Variants in TMPRSS2 observed in about 807,000 individuals in gnomAD.
TMPRSS2 encodes transmembrane serine protease 2.
A neutral mutation model predicts 67.4 loss-of-function variants in TMPRSS2; 59 were observed. That is an observed-to-expected ratio of 0.88 (90% CI 0.71 to 1.09). The LOEUF (loss-of-function observed/expected upper bound fraction) is 1.09. TMPRSS2 is among the 50% of genes least tolerant of loss of function. The pLI, the probability that TMPRSS2 is intolerant of heterozygous loss-of-function variation, is 0.00. For missense variants in TMPRSS2, 668 were observed against 642.7 expected (o/e 1.04, Z -0.43); for synonymous variants, 257 against 257.0 (o/e 1.00, Z 0.00).
chr21:41,471,806 C>T lies in TMPRSS2; in HGVS notation c.1075G>A (p.Asp359Asn), dbSNP rs758128660. The change falls in exon 10 of 14, where the codon GAC becomes AAC. Residue 359 changes from aspartate (D) to asparagine (N), a missense_variant and splice_region_variant. Asp to Asn is a conservative substitution (Grantham distance 23, BLOSUM62 1). Coordinates refer to ENST00000332149, the MANE Select transcript of TMPRSS2 (RefSeq NM_005656.4). ...CTTGCCAAGCCTGAGCCACACGTAC[C>T]GTTGAAAGTCAGAGGCTTCTGCAGC... is the stretch of plus-strand genomic sequence containing the variant. ...MKLQKPLTFN[D>N]LVKPVCLPNP... 15 of 1,594,372 alleles carry T rather than the reference C, an allele frequency of 9.4e-6. No individual in the cohort carries two copies. The highest frequency in any genetic ancestry group is 9.0e-5 in the East Asian group (4 of 44,466).
intron 1 of TMPRSS2, among the ~76,000 whole-genome samples, chr21:41,501,836 C>T (rs530402877): frequency 1.3e-5 from 2 of 152,296 alleles, no homozygotes; most frequent in African/African-American, 4.8e-5. Flanking sequence ...AGGAGCAAGA[C>T]GTAAAGTAGA....
intron 5 of TMPRSS2, chr21:41,487,677 G>A (rs375408): frequency 0.96 from 145,521 of 152,334 alleles, 70,090 homozygotes; most frequent in African/African-American, 0.99. Flanking sequence ...TCATTAAAAT[G>A]AATAAATAGA....
Position 41,466,001 on chromosome 21 carries a change from G to A in TMPRSS2, c.*141C>T, listed in dbSNP as rs77996454. 3.4e-3 allele frequency: 3,526 copies of A among 1,045,916 alleles called. 85 individuals are homozygous for A. In the African/African-American group the frequency reaches 0.05, roughly 15 times the overall value. The allele number at this position is 1,045,916 out of a possible 1,614,324, so 64.8% of individuals were successfully genotyped here. On this transcript the variant is annotated 3_prime_UTR_variant, in exon 14 of 14. Coordinates refer to ENST00000332149, the MANE Select transcript of TMPRSS2 (RefSeq NM_005656.4). Reference sequence around the variant, plus strand: ...TGCAGCCTGCACAGAATGGCAGAGAGTGCCAAAGCCAGACAAGTTCACTGT... The same window carrying A: ...TGCAGCCTGCACAGAATGGCAGAGAATGCCAAAGCCAGACAAGTTCACTGT...
At chr21:41,490,753 G>C (rs1038353935) in intron 3 of TMPRSS2, among the ~76,000 whole-genome samples, 1 of 152,246 alleles carries the variant, frequency 6.6e-6, no homozygotes, top group Non-Finnish European at 1.5e-5. Context: ...CAGCTCATGG[G>C]CCAGGAGGGA....
At chr21:41,501,620 A>G (rs2091424757) in intron 1 of TMPRSS2, among the ~76,000 whole-genome samples, 1 of 149,296 alleles carries the variant, frequency 6.7e-6, no homozygotes, top group Non-Finnish European at 1.5e-5. Flanking sequence ...AAAAAAAAAA[A>G]AAAAAAAAAA....
chr21:41,471,064 G>A (rs1014088345), intron 10 of TMPRSS2, among the ~76,000 whole-genome samples: 13 of 152,228 alleles, frequency 8.5e-5, no homozygotes, highest in Non-Finnish European at 1.3e-4. Context: ...CCAAAAAGCC[G>A]ATGGAGTCAA....
chr21:41,485,010 A>AGG (rs1569019740), intron 5 of TMPRSS2, among the ~76,000 whole-genome samples: 2 of 152,006 alleles, frequency 1.3e-5, no homozygotes, highest in African/African-American at 4.8e-5. Flanking sequence ...CTGGAAAGAG[A>AGG]AGCAACTCAG....
At position 41,478,134 on chromosome 21, in the gene TMPRSS2, G is replaced by A. The variant is rs1046554086; in HGVS notation, c.683+1038C>T. On this transcript the variant is annotated intron_variant, in intron 7 of 13. Transcript: ENST00000332149. The surrounding 1 kb of genome is among the most constrained non-coding windows in gnomAD (Gnocchi z 4.0). ...TTTAGCTTCTCCACAGGGACAAACCGCAGCCCTGCTGTTTTGATGGGTGCA... is the reference window on the plus strand; with the variant it reads ...TTTAGCTTCTCCACAGGGACAAACCACAGCCCTGCTGTTTTGATGGGTGCA... 6.6e-6 allele frequency among the ~76,000 whole-genome samples: 1 copy of A among 152,334 alleles called. No homozygotes were observed. The highest frequency in any genetic ancestry group is 1.5e-5 in the Non-Finnish European group (1 of 68,034).
chr21:41,487,737 G>A (rs2091308731), intron 5 of TMPRSS2: 1 of 152,194 alleles, frequency 6.6e-6, no homozygotes, highest in Non-Finnish European at 1.5e-5. Flanking sequence ...TGTGACAACA[G>A]ATAGATCTTT....
intron 7 of TMPRSS2, 60 bp downstream of exon 7, chr21:41,479,112 C>A: frequency 7.8e-7 from 1 of 1,285,068 alleles, no homozygotes; most frequent in Non-Finnish European, 1.1e-6. Flanking sequence ...ACAACGATTC[C>A]CCATGGTGTC....
rs1201213753 is a variant in TMPRSS2, at chr21:41,498,140, G to C, written c.-7C>G. The C allele has an allele frequency of 1.2e-6, 2 of 1,612,960 alleles. No individual in the cohort carries two copies. Among genetic ancestry groups the C allele is most frequent in the Admixed American group, 3.3e-5 (2 of 59,964 alleles). ...TTACTGAGTTCAAAGCCATCTTGCT[G>C]TTATCAACAGCATCGAGTAATGATA... is the stretch of plus-strand genomic sequence containing the variant. On this transcript the variant is annotated 5_prime_UTR_variant, in exon 2 of 14. Transcript: ENST00000332149.
Position 41,473,273 on chromosome 21 carries a change from G to A in TMPRSS2, c.899+52C>T, listed in dbSNP as rs181058683. ...TGAGACCTGCTCAAGGTCACAGGGT[G>A]GCTGTAGGCCAGCCCTGAGCCCCCA... On this transcript the variant is annotated intron_variant, in intron 9 of 13. Transcript: ENST00000332149. 4.1e-4 allele frequency: 617 copies of A among 1,515,188 alleles called. 8 individuals carry two copies. In the South Asian group the frequency reaches 5.6e-3, roughly 14 times the overall value. The allele number at this position is 1,515,188 out of a possible 1,614,324, so 93.9% of individuals were successfully genotyped here. A position where few individuals can be genotyped will look rare whatever the true frequency, so the allele number is the denominator to read the frequency against.
chr21:41,472,013 G>A lies in TMPRSS2; in HGVS notation c.900-32C>T, dbSNP rs187078345. On this transcript the variant is annotated intron_variant, in intron 9 of 13. Coordinates refer to ENST00000332149, the MANE Select transcript of TMPRSS2 (RefSeq NM_005656.4). Reference sequence around the variant, plus strand: ...GAGAAGAAGGACTCAGTATCTCAGAGCCATAAACACAGAGCTCTCAGTGGA... The same window carrying A: ...GAGAAGAAGGACTCAGTATCTCAGAACCATAAACACAGAGCTCTCAGTGGA... 7.7e-4 allele frequency: 1,200 copies of A among 1,555,536 alleles called. 9 individuals carry two copies. In the African/African-American group the frequency reaches 0.015, roughly 19 times the overall value.
rs142710225 is a variant in TMPRSS2, at chr21:41,480,724, C to T, written c.446-122G>A. 3.5e-4 allele frequency: 485 copies of T among 1,383,724 alleles called. 2 individuals carry two copies. In the African/African-American group the frequency reaches 5.5e-3, roughly 16 times the overall value. 85.7% of individuals were successfully genotyped at this position (1,383,724 alleles called of 1,614,324 possible). A position where few individuals can be genotyped will look rare whatever the true frequency, so the allele number is the denominator to read the frequency against. On this transcript the variant is annotated intron_variant, in intron 5 of 13. Coordinates refer to ENST00000332149, the MANE Select transcript of TMPRSS2 (RefSeq NM_005656.4). ...TCTGATCTCCACTCACTGCAGCCTC[C>T]GCCTCCCAGGTTCAAGTGATTCTCC...
chr21:41,492,771 T>C (rs2091347649), intron 3 of TMPRSS2, among the ~76,000 whole-genome samples: 1 of 152,220 alleles, frequency 6.6e-6, no homozygotes, highest in African/African-American at 2.4e-5. Flanking sequence ...TGGAAATGTG[T>C]CCATCATGTG....
In TMPRSS2 at chr21:41,470,693, C is replaced by T. The variant is rs2091125531; in HGVS notation, c.1126G>A (p.Glu376Lys). Residue 376 changes from glutamate (E) to lysine (K), a missense_variant, in exon 11 of 14, where the codon GAA becomes AAA. Transcript: ENST00000332149. ...LPNPGMMLQP[E>K]QLCWISGWGA... ...CACCCGGAAATCCAGCAGAGCTGTT[C>T]TGGCTGCAGCATCATGCCTGGGTTG... 1.2e-6 allele frequency: 2 copies of T among 1,613,724 alleles called. No individual in the cohort carries two copies. The highest frequency in any genetic ancestry group is 1.1e-5 in the South Asian group (1 of 91,082).
In TMPRSS2 at chr21:41,470,540, T is replaced by C. The variant is rs560788815; in HGVS notation, c.1171+108A>G. ...GGACTGGGGGAATCAACCAAAGTCATCCAGTCATTGAGTAGTAGAACTGGG... is the reference window on the plus strand; with the variant it reads ...GGACTGGGGGAATCAACCAAAGTCACCCAGTCATTGAGTAGTAGAACTGGG... On this transcript the variant is annotated intron_variant, in intron 11 of 13. Transcript: ENST00000332149. 5.8e-6 allele frequency: 6 copies of C among 1,032,056 alleles called. No homozygotes were observed. In the South Asian group the frequency reaches 7.9e-5, roughly 14 times the overall value. The allele number at this position is 1,032,056 out of a possible 1,614,324, so 63.9% of individuals were successfully genotyped here.
chr21:41,479,213 T>C lies in TMPRSS2; in HGVS notation c.642A>G (p.Thr214=). The C allele has an allele frequency of 6.2e-7, 1 of 1,614,094 alleles. No homozygotes were observed. The highest frequency in any genetic ancestry group is 1.1e-5 in the South Asian group (1 of 91,080). The change falls in exon 7 of 14, where the codon ACA becomes ACG. Residue 214 remains threonine, a synonymous_variant. Transcript: ENST00000332149. ...SGSTSFMKLN[T]SAGNVDIYKK... ...TATAGATATCGACATTGCCGGCACT[T>C]GTGTTCAGTTTCATAAAGCTGGTGG... is the stretch of plus-strand genomic sequence containing the variant.
At chr21:41,485,294 A>T (rs1406099390) in intron 5 of TMPRSS2, among the ~76,000 whole-genome samples, 1 of 152,116 alleles carries the variant, frequency 6.6e-6, no homozygotes, top group African/African-American at 2.4e-5. Flanking sequence ...GCAACTCTTC[A>T]GGTAACATAA....
Sources: allele counts gnomAD v4.1 joint callset (sites outside exome capture counted in the v4.1 genomes callset), GRCh38; gene constraint gnomAD v4.1.1; non-coding constraint Gnocchi (gnomAD v3.1); transcripts MANE v1.5; gene names NCBI Gene and HGNC (gene_info 2026-07-23, HGNC 2026-07-21).